The following GSE1 variants were observed in gnomAD, a reference collection of about 807,000 sequenced individuals.
The protein encoded by GSE1 is genetic suppressor element 1.
GSE1 carries 32 observed loss-of-function variants against 112.6 expected under a neutral mutation model. The observed-to-expected ratio is 0.28, with a 90% confidence interval of 0.21 to 0.38. The LOEUF (loss-of-function observed/expected upper bound fraction) is 0.38. Ranked by LOEUF, GSE1 falls within the 10% of genes least tolerant of loss-of-function variation. The pLI is 1.00. For missense variants in GSE1, 2,348 were observed against 1,699.2 expected (o/e 1.38, Z -6.71); for synonymous variants, 1,115 against 735.6 (o/e 1.52, Z -8.35).
At chr16:85,665,252 A>G in intron 12 of GSE1, 124 bp downstream of exon 12, 2 of 626,672 alleles carry the variant, frequency 3.2e-6, no homozygotes, top group Non-Finnish European at 5.7e-6. Context: ...GTCTTCTTCC[A>G]TTCTTGTACC....
intron 1 of GSE1, among the ~76,000 whole-genome samples, chr16:85,333,505 C>A (rs540007325): frequency 5.2e-4 from 80 of 152,390 alleles, no homozygotes; most frequent in African/African-American, 1.9e-3. Flanking sequence ...CACCTCACCC[C>A]CTTAGGGCTT....
At chr16:85,555,797 G>T, upstream of GSE1, 1 of 974,062 alleles carries the variant, frequency 1.0e-6, no homozygotes, top group Non-Finnish European at 1.2e-6. Flanking sequence ...CGCACGTCCT[G>T]GGGGCTGTTT....
intron 1 of GSE1, chr16:85,593,625 CT>C (rs1376124835): frequency 6.6e-6 from 1 of 152,186 alleles, no homozygotes; most frequent in African/African-American, 2.4e-5. Flanking sequence ...CACTCCCCCC[CT>C]ACCAGGGCTG....
chr16:85,395,537 A>C (rs1235478984), intron 2 of GSE1, among the ~76,000 whole-genome samples: 2 of 152,036 alleles, frequency 1.3e-5, no homozygotes, highest in Non-Finnish European at 2.9e-5. Flanking sequence ...CTGCCTGGAA[A>C]CACCCTCCCA....
At chr16:85,644,410 T>G (rs1193365311) in intron 2 of GSE1, among the ~76,000 whole-genome samples, 1 of 151,258 alleles carries the variant, frequency 6.6e-6, no homozygotes, top group African/African-American at 2.4e-5. Context: ...GGGCCCAGCC[T>G]GTATGCCACC....
chr16:85,280,992 C>G (rs532658669), intron 1 of GSE1, among the ~76,000 whole-genome samples: 1 of 152,266 alleles, frequency 6.6e-6, no homozygotes, highest in Admixed American at 6.5e-5. Context: ...CTGGGCCGGT[C>G]AGAGCTGCCT....
intron 2 of GSE1, among the ~76,000 whole-genome samples, chr16:85,513,492 A>C (rs1298240924): frequency 1.3e-5 from 2 of 151,798 alleles, no homozygotes; most frequent in Admixed American, 1.3e-4. Context: ...TACCCCCCTC[A>C]CCGCTCACGC....
At chr16:85,287,618 C>T (rs1260182963) in intron 1 of GSE1, among the ~76,000 whole-genome samples, 1 of 152,134 alleles carries the variant, frequency 6.6e-6, no homozygotes, top group Non-Finnish European at 1.5e-5. Context: ...CCCTCGCTTC[C>T]TTCGGCCTTT....
intron 2 of GSE1, among the ~76,000 whole-genome samples, chr16:85,397,548 G>T (rs1009582667): frequency 6.6e-6 from 1 of 152,228 alleles, no homozygotes; most frequent in Non-Finnish European, 1.5e-5. Context: ...GCTGCCTCCA[G>T]CTTCTGGAGC....
intron 2 of GSE1, among the ~76,000 whole-genome samples, chr16:85,434,096 G>A (rs1485354181): frequency 6.6e-6 from 1 of 152,128 alleles, no homozygotes; most frequent in African/African-American, 2.4e-5. Context: ...ATCAAAGTCT[G>A]AAGGACTGTG....
rs375513689 is a variant in GSE1 at position 85,483,337 on chromosome 16, G to A, written c.2464+125694G>A. On this transcript the variant is annotated intron_variant, in intron 2 of 2. Coordinates refer to the GSE1 transcript ENST00000637419. ...AGAGCGAGAACAGAAACGGGGCAGAGGGGAGTACGTGGAGTTGAGTCCCCT... is the reference window on the plus strand; with the variant it reads ...AGAGCGAGAACAGAAACGGGGCAGAAGGGAGTACGTGGAGTTGAGTCCCCT... Among the ~76,000 whole-genome samples the A allele has an allele frequency of 6.6e-5, 10 of 152,386 alleles. No individual in the cohort carries two copies. In the East Asian group the frequency reaches 1.9e-3, roughly 29 times the overall value.
At chr16:85,257,836 G>C (rs1312629731) in intron 1 of GSE1, among the ~76,000 whole-genome samples, 1 of 152,174 alleles carries the variant, frequency 6.6e-6, no homozygotes, top group Non-Finnish European at 1.5e-5. Flanking sequence ...GGAGAGAAGA[G>C]ACTAGCTAAG....
intron 8 of GSE1, 45 bp from the exon 9 acceptor site, chr16:85,661,101 G>C (rs369877202): frequency 1.3e-6 from 2 of 1,520,102 alleles, no homozygotes; most frequent in East Asian, 2.3e-5. Flanking sequence ...GTGGATGACT[G>C]AAGGGTCTTT....
intron 2 of GSE1, among the ~76,000 whole-genome samples, chr16:85,527,696 C>T (rs952458252): frequency 2.0e-5 from 3 of 152,210 alleles, no homozygotes; most frequent in African/African-American, 4.8e-5. Context: ...AGCAGCGGGC[C>T]GGGGAAGTGG....
At chr16:85,432,011 G>A (rs918081398) in intron 2 of GSE1, among the ~76,000 whole-genome samples, 6 of 152,222 alleles carry the variant, frequency 3.9e-5, no homozygotes, top group Non-Finnish European at 7.3e-5. Context: ...CCGCCTGGGC[G>A]AGTGCTGGGA....
chr16:85,548,870 A>G (rs954301820), intron 2 of GSE1, among the ~76,000 whole-genome samples: 2 of 151,910 alleles, frequency 1.3e-5, no homozygotes, highest in African/African-American at 4.8e-5. Flanking sequence ...GCTCACTGCA[A>G]CCTCCGCCTC....
exon 1 of GSE1, chr16:85,170,097 C>T (rs2074334254): frequency 4.1e-6 from 4 of 985,126 alleles, no homozygotes; most frequent in Non-Finnish European, 4.8e-6. Context: ...CCGCGCGGGA[C>T]GCCGCCAGCC....
At position 85,208,490 on chromosome 16, in the gene GSE1, CTCCTGACTCCTTCAGG is replaced by C. The variant is rs1312232409; in HGVS notation, c.2283+36688_2283+36703del. ...TGACGCTGGCCTCCTGCTGCCTCAG[CTCCTGACTCCTTCAGG>C]TCCTCGTCCCCCACACCACCTGTCC... On this transcript the variant is annotated intron_variant, in intron 1 of 2. Transcript: ENST00000637419. Among the ~76,000 whole-genome samples, 20 of 152,332 alleles carry C rather than the reference CTCCTGACTCCTTCAGG, an allele frequency of 1.3e-4. No individual in the cohort carries two copies. The South Asian group carries it at 3.9e-3, about 30-fold the overall frequency.
At chr16:85,486,418 G>A (rs748391425) in intron 2 of GSE1, among the ~76,000 whole-genome samples, 7 of 152,218 alleles carry the variant, frequency 4.6e-5, no homozygotes, top group East Asian at 1.9e-4. Flanking sequence ...CAGGGCCGCC[G>A]TTACCTGGCA....
Sources: gnomAD v4.1 joint callset for allele counts (sites outside exome capture counted in the v4.1 genomes callset) on GRCh38, gnomAD v4.1.1 for gene constraint, MANE v1.5 for transcripts, NCBI Gene and HGNC (gene_info 2026-07-23, HGNC 2026-07-21) for gene names.